Variants in PRKCQ observed in about 807,000 individuals in gnomAD.
PRKCQ encodes protein kinase C theta.
PRKCQ carries 41 observed loss-of-function variants against 91.2 expected under a neutral mutation model. The observed-to-expected ratio is 0.45, with a 90% CI of 0.35 to 0.58. The LOEUF (loss-of-function observed/expected upper bound fraction) is 0.58. Among genes scored for constraint, PRKCQ ranks in the 20% least tolerant of loss-of-function variants. The probability of loss-of-function intolerance (pLI) is 0.00; values close to 1 mark genes in which losing one functional copy is unlikely to be tolerated. For missense variants in PRKCQ, 673 were observed against 896.5 expected, an observed-to-expected ratio of 0.75 and a Z score of 3.18; for synonymous variants, 307 against 316.9, an observed-to-expected ratio of 0.97 and a Z score of 0.33.
In PRKCQ at chr10:6,485,266, G is replaced by A. The variant is rs1386027044; in HGVS notation, c.904C>T (p.Arg302Cys). 1.4e-5 allele frequency: 22 copies of A among 1,612,840 alleles called. No individual in the cohort carries two copies. The highest frequency in any genetic ancestry group is 2.2e-5 in the East Asian group (1 of 44,874). ...ATCTGTTCAGTATCTCTTAAGCAGC[G>A]AGCCTGGATGACAAACAGAGAGTCA... Reference protein sequence around the residue: ...LAMIESTQQARCLRDTEQIFR... With the variant: ...LAMIESTQQACCLRDTEQIFR... The change falls in exon 10 of 18, where the codon CGC becomes TGC. Residue 302 changes from arginine (R) to cysteine (C), a missense_variant. Physicochemically the swap from Arg to Cys is radical, Grantham distance 180. Transcript: ENST00000263125.
At chr10:6,400,001 T>C in the PRKCQ span, among the ~76,000 whole-genome samples, 1 of 152,114 alleles carries the variant, frequency 6.6e-6, no homozygotes, top group Non-Finnish European at 1.5e-5. Context: ...GTGCCACTGA[T>C]GGATTTGAAT....
the PRKCQ span, among the ~76,000 whole-genome samples, chr10:6,407,936 C>A: frequency 6.7e-6 from 1 of 150,148 alleles, no homozygotes; most frequent in African/African-American, 2.5e-5. This position sits in a 1 kb window ranked among gnomAD's most constrained non-coding sequence, Gnocchi z 4.0. Flanking sequence ...TAAAAATGTT[C>A]TTTTTAAAAC....
At chr10:6,555,134 GA>G (rs1431762686) in intron 1 of PRKCQ, among the ~76,000 whole-genome samples, 23 of 151,594 alleles carry the variant, frequency 1.5e-4, no homozygotes, top group African/African-American at 4.4e-4. Flanking sequence ...GTAAAGGTGG[GA>G]GGGGGGGGGT....
At chr10:6,540,458 G>C (rs989587418) in intron 1 of PRKCQ, among the ~76,000 whole-genome samples, 2 of 152,046 alleles carry the variant, frequency 1.3e-5, no homozygotes, top group African/African-American at 2.4e-5. Flanking sequence ...GACTACTCTA[G>C]GAACCTCGTA....
At chr10:6,515,515 C>T in intron 1 of PRKCQ, 1 of 984,906 alleles carries the variant, frequency 1.0e-6, no homozygotes. Flanking sequence ...AAACAGCACA[C>T]AGTAATCAGA....
At chr10:6,556,815 T>TC (rs952627001) in intron 1 of PRKCQ, among the ~76,000 whole-genome samples, 4 of 152,124 alleles carry the variant, frequency 2.6e-5, no homozygotes, top group Non-Finnish European at 5.9e-5. Flanking sequence ...CCACACTTGT[T>TC]CCCCTTATGT....
At chr10:6,424,467 C>G (rs929846594), downstream of PRKCQ, among the ~76,000 whole-genome samples, 6 of 152,180 alleles carry the variant, frequency 3.9e-5, no homozygotes, top group African/African-American at 1.4e-4. Flanking sequence ...ATGGTTTCTG[C>G]TCCTTCTTCC....
chr10:6,547,706 C>A (rs1156711622), intron 1 of PRKCQ, among the ~76,000 whole-genome samples: 3 of 151,602 alleles, frequency 2.0e-5, no homozygotes, highest in African/African-American at 7.3e-5. Context: ...TGGATCCCTT[C>A]CTTACACCTT....
chr10:6,398,074 T>C, the PRKCQ span, among the ~76,000 whole-genome samples: 1 of 152,230 alleles, frequency 6.6e-6, no homozygotes, highest in Non-Finnish European at 1.5e-5. Context: ...GAGATTGGGG[T>C]TCAAGCTCAT....
At chr10:6,502,689 T>C (rs1837984795) in intron 4 of PRKCQ, among the ~76,000 whole-genome samples, 1 of 152,054 alleles carries the variant, frequency 6.6e-6, no homozygotes, top group South Asian at 2.1e-4. Flanking sequence ...TGTAATTAGA[T>C]GATGAAATGG....
At chr10:6,460,902 C>T (rs544639162) in intron 14 of PRKCQ, among the ~76,000 whole-genome samples, 5 of 148,630 alleles carry the variant, frequency 3.4e-5, no homozygotes, top group African/African-American at 1.2e-4. Context: ...CATACCCATC[C>T]ATCCATCCGT....
At chr10:6,570,532 C>T (rs1310822790) in intron 1 of PRKCQ, among the ~76,000 whole-genome samples, 1 of 149,396 alleles carries the variant, frequency 6.7e-6, no homozygotes, top group Non-Finnish European at 1.5e-5. Context: ...AGGTGAGCCT[C>T]AGACAGGAAC....
intron 1 of PRKCQ, among the ~76,000 whole-genome samples, chr10:6,533,996 G>A (rs1839486023): frequency 6.6e-6 from 1 of 152,098 alleles, no homozygotes; most frequent in South Asian, 2.1e-4. Context: ...CCCCAAAAAG[G>A]TAAACATTTC....
chr10:6,518,364 T>C (rs1013339079), intron 1 of PRKCQ, among the ~76,000 whole-genome samples: 5 of 152,184 alleles, frequency 3.3e-5, no homozygotes, highest in Non-Finnish European at 1.5e-5. Flanking sequence ...AAAATTAAAA[T>C]AGCTTTGGTT....
At chr10:6,458,365 G>C (rs1421609835) in intron 14 of PRKCQ, among the ~76,000 whole-genome samples, 1 of 152,140 alleles carries the variant, frequency 6.6e-6, no homozygotes, top group Non-Finnish European at 1.5e-5. Flanking sequence ...GGAGAGGGCA[G>C]AGAACCCAGA....
intron 7 of PRKCQ, 55 bp downstream of exon 7, chr10:6,496,980 C>T: frequency 6.7e-7 from 1 of 1,498,398 alleles, no homozygotes; most frequent in Non-Finnish European, 9.3e-7. Context: ...TGGGCTGTAA[C>T]ATTTAACGTT....
intron 2 of PRKCQ, among the ~76,000 whole-genome samples, chr10:6,514,529 C>T (rs910518054): frequency 4.6e-5 from 7 of 152,182 alleles, no homozygotes; most frequent in East Asian, 1.9e-4. Flanking sequence ...TGCAAAAGTA[C>T]GTTTTCTGAA....
At chr10:6,578,672 T>A (rs964950539) in intron 1 of PRKCQ, among the ~76,000 whole-genome samples, 1 of 152,232 alleles carries the variant, frequency 6.6e-6, no homozygotes, top group African/African-American at 2.4e-5. Flanking sequence ...CCTTCTGCGG[T>A]AAGCACCTGC....
chr10:6,553,730 C>G (rs1252542213), intron 1 of PRKCQ, among the ~76,000 whole-genome samples: 1 of 152,076 alleles, frequency 6.6e-6, no homozygotes. Context: ...AATAGACCTA[C>G]AAAGTTGCGG....
Sources: allele counts gnomAD v4.1 joint callset (sites outside exome capture counted in the v4.1 genomes callset), GRCh38; gene constraint gnomAD v4.1.1; non-coding constraint Gnocchi (gnomAD v3.1); transcripts MANE v1.5; gene names NCBI Gene and HGNC (gene_info 2026-07-23, HGNC 2026-07-21).